Variants in RRBP1 observed in about 807,000 individuals in gnomAD.
RRBP1 encodes ribosome-binding protein 1.
A neutral mutation model predicts 165.2 loss-of-function variants in RRBP1; 94 were observed. That is an observed-to-expected ratio of 0.57 (90% confidence interval 0.48 to 0.68). The LOEUF (loss-of-function observed/expected upper bound fraction) is 0.68, where lower values mean the gene tolerates loss of function less well. Among genes scored for constraint, RRBP1 ranks in the 30% least tolerant of loss-of-function variants. The pLI is 0.00. For missense variants in RRBP1, 1,676 were observed against 1,763.0 expected (o/e 0.95, Z 0.88); for synonymous variants, 680 against 714.5 (o/e 0.95, Z 0.77).
chr20:17,619,042 C>A (rs910620665), intron 19 of RRBP1: 43 of 243,116 alleles, frequency 1.8e-4, no homozygotes, highest in African/African-American at 9.6e-4. Context: ...CCTGCATCAG[C>A]CTCCTAAGCA....
chr20:17,681,672 C>G (rs2122533721), intron 1 of RRBP1, among the ~76,000 whole-genome samples: 1 of 150,150 alleles, frequency 6.7e-6, no homozygotes, highest in Middle Eastern at 3.4e-3. Flanking sequence ...TTTCTTCGCC[C>G]AACTTCGGAG....
intron 2 of RRBP1, among the ~76,000 whole-genome samples, chr20:17,663,189 G>C (rs1244261725): frequency 1.3e-5 from 2 of 152,184 alleles, no homozygotes; most frequent in Non-Finnish European, 2.9e-5. Context: ...CCGTGACACA[G>C]TGAACAGCCA....
chr20:17,623,931 C>CAA (rs1284202465), intron 13 of RRBP1, among the ~76,000 whole-genome samples: 7 of 135,488 alleles, frequency 5.2e-5, no homozygotes, highest in South Asian at 2.3e-4. Context: ...GACACCGTCT[C>CAA]AAAAAAAAAA....
chr20:17,620,274 A>G, intron 18 of RRBP1, 25 bp downstream of exon 18: 3 of 1,570,184 alleles, frequency 1.9e-6, no homozygotes, highest in South Asian at 1.1e-5. Context: ...GACAAGAGAA[A>G]GAGTTCTCTG....
chr20:17,624,857 G>A (rs935436977), intron 12 of RRBP1, among the ~76,000 whole-genome samples, 189 bp from the exon 13 acceptor site: 2 of 152,358 alleles, frequency 1.3e-5, no homozygotes, highest in Non-Finnish European at 2.9e-5. Flanking sequence ...CCTGGGTGCC[G>A]TAGCCAGAGG....
intron 20 of RRBP1, among the ~76,000 whole-genome samples, chr20:17,617,228 C>T (rs186168237): frequency 2.9e-4 from 44 of 152,348 alleles, no homozygotes; most frequent in African/African-American, 9.9e-4. Context: ...GAGCCCTTTC[C>T]GGGGTCTAGA....
chr20:17,665,497 G>A (rs1463410395), intron 2 of RRBP1, among the ~76,000 whole-genome samples: 2 of 152,226 alleles, frequency 1.3e-5, no homozygotes, highest in East Asian at 1.9e-4. Context: ...TCAGGCTCCC[G>A]AGTAGCTGGG....
chr20:17,628,645 T>C (rs911907632), intron 9 of RRBP1, among the ~76,000 whole-genome samples: 6 of 152,224 alleles, frequency 3.9e-5, no homozygotes, highest in African/African-American at 1.2e-4. Flanking sequence ...ACCAGCCTTC[T>C]CCTTCCAGCC....
chr20:17,645,768 T>C (rs1171788273), intron 3 of RRBP1, among the ~76,000 whole-genome samples: 1 of 152,232 alleles, frequency 6.6e-6, no homozygotes, highest in African/African-American at 2.4e-5. Context: ...TTCCGAATTG[T>C]GAAATCTTAA....
At position 17,642,963 on chromosome 20, in the gene RRBP1, A is replaced by G. The variant is rs1465194070; in HGVS notation, c.2061+16T>C. On this transcript the variant is annotated intron_variant, in intron 4 of 24. Transcript: ENST00000377813. ...GCAGTGGCCTCTGAGCATGGCCAGC[A>G]GGAGGGTGGGCCCACCTTGTGCCAG... 2 of 1,611,708 alleles carry G rather than the reference A, an allele frequency of 1.2e-6. No individual in the cohort carries two copies. The highest frequency in any genetic ancestry group is 2.2e-5 in the East Asian group (1 of 44,840).
In RRBP1 at chr20:17,643,349, G is replaced by A. The variant is rs1005542992; in HGVS notation, c.1913-222C>T. Among the ~76,000 whole-genome samples, 2 of 151,524 alleles carry A rather than the reference G, an allele frequency of 1.3e-5. No homozygotes were observed. The highest frequency in any genetic ancestry group is 2.4e-5 in the African/African-American group (1 of 41,232). Reference sequence around the variant, plus strand: ...ATAGGTCCCTGCACCGTCCTAACTCGCCCATAGGAAGTCCCAGCCTGGGGT... The same window carrying A: ...ATAGGTCCCTGCACCGTCCTAACTCACCCATAGGAAGTCCCAGCCTGGGGT... On this transcript the variant is annotated intron_variant, in intron 3 of 24. Transcript: ENST00000377813. This position sits in a 1 kb window ranked among gnomAD's most constrained non-coding sequence, Gnocchi z 4.3.
At chr20:17,651,433 G>A (rs1246993380) in intron 3 of RRBP1, among the ~76,000 whole-genome samples, 1 of 152,208 alleles carries the variant, frequency 6.6e-6, no homozygotes, top group East Asian at 1.9e-4. Context: ...CATCATTGCA[G>A]CATTAATTTT....
At position 17,659,332 on chromosome 20, in the gene RRBP1, T is replaced by C. The variant is rs546228781; in HGVS notation, c.1176A>G (p.Val392=). The change falls in exon 3 of 25, where the codon GTA becomes GTG. Residue 392 remains valine, a synonymous_variant. Transcript: ENST00000377813. ...TCTTGCCCTGGTTCTGGGCCCCTTC[T>C]ACTTTTTTGCCCTGGTTCTGAGCCC... The part of the protein sequence containing the change: ...AEGAQNQGKK[V]EGAQNQGKKA... 2 of 1,501,648 alleles carry C rather than the reference T, an allele frequency of 1.3e-6. No individual in the cohort carries two copies. The highest frequency in any genetic ancestry group is 2.6e-5 in the East Asian group (1 of 39,180). 93.0% of individuals were successfully genotyped at this position (1,501,648 alleles called of 1,614,324 possible). A position where few individuals can be genotyped will look rare whatever the true frequency, so the allele number is the denominator to read the frequency against.
intron 14 of RRBP1, 26 bp downstream of exon 14, chr20:17,621,829 C>T: frequency 1.2e-6 from 2 of 1,612,368 alleles, no homozygotes; most frequent in Non-Finnish European, 1.7e-6. Context: ...ACTGTGAGGT[C>T]CCCGGGAACC....
At chr20:17,619,373 C>G (rs1481892951) in intron 19 of RRBP1, 1 of 401,444 alleles carries the variant, frequency 2.5e-6, no homozygotes, top group African/African-American at 2.1e-5. Flanking sequence ...CCTAGAACGT[C>G]AAACGCCTCC....
intron 17 of RRBP1, 61 bp downstream of exon 17, chr20:17,620,654 C>A: frequency 7.8e-7 from 1 of 1,284,366 alleles, no homozygotes; most frequent in Non-Finnish European, 1.1e-6. Context: ...ACAATCCTGT[C>A]AACTCTCCCC....
rs146359410 is a variant in RRBP1 at position 17,615,938 on chromosome 20, G to A, written c.3939C>T (p.Ala1313=). 1.9e-4 allele frequency: 300 copies of A among 1,610,050 alleles called. No individual in the cohort carries two copies. The highest frequency in any genetic ancestry group is 8.3e-4 in the African/African-American group (62 of 75,060). The change falls in exon 22 of 25, where the codon GCC becomes GCT. Residue 1313 remains alanine, a synonymous_variant. Transcript: ENST00000377813. ...DEQTQRQKLT[A]EFEEAQTSAC... ...GGCAGGGCCTGACCTCCTCAAACTC[G>A]GCCGTGAGCTTCTGCCGCTGTGTCT...
At chr20:17,617,990 A>G (rs567630090) in intron 20 of RRBP1, among the ~76,000 whole-genome samples, 86 of 152,308 alleles carry the variant, frequency 5.6e-4, no homozygotes, top group African/African-American at 2.0e-3. Flanking sequence ...CAGACACCTG[A>G]GCTGAACACC....
intron 2 of RRBP1, among the ~76,000 whole-genome samples, chr20:17,674,779 C>T (rs980628974): frequency 6.6e-6 from 1 of 152,084 alleles, no homozygotes; most frequent in Non-Finnish European, 1.5e-5. Context: ...ATTCTCCCTT[C>T]TCCCCCTAAG....
Sources: allele counts gnomAD v4.1 joint callset (sites outside exome capture counted in the v4.1 genomes callset), GRCh38; gene constraint gnomAD v4.1.1; non-coding constraint Gnocchi (gnomAD v3.1); transcripts MANE v1.5; gene names NCBI Gene and HGNC (gene_info 2026-07-23, HGNC 2026-07-21).